The following ERI2 variants were observed in gnomAD, a reference collection of about 807,000 sequenced individuals.
The protein encoded by ERI2 is ERI1 exoribonuclease 2.
ERI2 carries 35 observed loss-of-function variants against 46.8 expected under a neutral mutation model. The ratio of observed to expected loss-of-function variants is 0.75; its 90% CI spans 0.57 to 0.99. ERI2 has a LOEUF of 0.99. Ranked by LOEUF, ERI2 falls within the 50% of genes least tolerant of loss-of-function variation. The pLI, the probability that ERI2 is intolerant of heterozygous loss-of-function variation, is 0.00. For missense variants in ERI2, 695 were observed against 796.2 expected, an observed-to-expected ratio of 0.87 and a Z score of 1.53; for synonymous variants, 224 against 271.0, an observed-to-expected ratio of 0.83 and a Z score of 1.70.
rs773678977 is a variant in ERI2 at position 20,790,660 on chromosome 16, G to GA, written c.815+189dup. 9 of 1,614,052 alleles carry GA rather than the reference G, an allele frequency of 5.6e-6. No individual in the cohort carries two copies. In the South Asian group the frequency reaches 8.8e-5, roughly 16 times the overall value. ...ATTGGCATTCAAGTTCTACCCAACC[G>GA]ACCATTTGGCCTTTTTACTCATTAC... On this transcript the variant is annotated intron_variant, in intron 9 of 10. Coordinates refer to the ERI2 transcript ENST00000300005. The surrounding 1 kb of genome is among the most constrained non-coding windows in gnomAD (Gnocchi z 4.0).
chr16:20,798,850 A>G lies in ERI2; in HGVS notation c.950T>C (p.Ile317Thr). ...QQDQLQVKNNIKASLHNVKSS... is the reference protein window; with the variant it reads ...QQDQLQVKNNTKASLHNVKSS... ...TTTGACATTGTGAAGACTTGCTTTT[A>G]TATTGTTTTTTACTTGTAATTGATC... Residue 317 changes from isoleucine (I) to threonine (T), a missense_variant, in exon 9 of 9, where the codon ATA (isoleucine) becomes ACA (threonine). Transcript: ENST00000357967. 1 of 1,550,954 alleles carries G rather than the reference A, an allele frequency of 6.4e-7. No individual in the cohort carries two copies. Among genetic ancestry groups the G allele is most frequent in the African/African-American group, 1.4e-5 (1 of 73,068 alleles).
At position 20,797,561 on chromosome 16, in the gene ERI2, A is replaced by G. The variant is rs1295551710; in HGVS notation, c.*163T>C. ...ATTGTTGCTTATTATATGTAATCTA[A>G]TAAATACTGTTTACAAAAGATTACA... On this transcript the variant is annotated 3_prime_UTR_variant, in exon 9 of 9. Coordinates refer to ENST00000357967, the MANE Select transcript of ERI2 (RefSeq NM_001142725.2). The G allele has an allele frequency of 7.9e-7, 1 of 1,272,850 alleles. No homozygotes were observed. The highest frequency in any genetic ancestry group is 9.9e-7 in the Non-Finnish European group (1 of 1,010,466). The allele number at this position is 1,272,850 out of a possible 1,614,324, so 78.8% of individuals were successfully genotyped here. A position where few individuals can be genotyped will look rare whatever the true frequency, so the allele number is the denominator to read the frequency against.
At chr16:20,785,230 A>T (rs2080446847) in intron 10 of ERI2, 1 of 1,350,214 alleles carries the variant, frequency 7.4e-7, no homozygotes, top group African/African-American at 1.5e-5. Flanking sequence ...GAAAATGTTT[A>T]AAAAAACAAT....
At chr16:20,803,044 T>G in intron 3 of ERI2, 121 bp from the exon 4 acceptor site, 2 of 1,049,800 alleles carry the variant, frequency 1.9e-6, no homozygotes, top group Non-Finnish European at 1.3e-6. Flanking sequence ...AAAAGCATAC[T>G]AAAATGACCA....
Position 20,797,156 on chromosome 16 carries a change from C to T in ERI2, c.*568G>A, listed in dbSNP as rs1220810103. 1 of 1,345,330 alleles carries T rather than the reference C, an allele frequency of 7.4e-7. No individual in the cohort carries two copies. Among genetic ancestry groups the T allele is most frequent in the East Asian group, 3.1e-5 (1 of 32,146 alleles). 83.3% of individuals were successfully genotyped at this position (1,345,330 alleles called of 1,614,324 possible). ...AAATAAAATATTTGGCAAATTCCTC[C>T]ACATTAGTGTCAATGTTCCTATCAT... On this transcript the variant is annotated 3_prime_UTR_variant, in exon 9 of 9. Coordinates refer to ENST00000357967, the MANE Select transcript of ERI2 (RefSeq NM_001142725.2).
chr16:20,797,998 C>T lies in ERI2; in HGVS notation c.1802G>A (p.Arg601Gln), dbSNP rs928738838. 28 of 1,551,900 alleles carry T rather than the reference C, an allele frequency of 1.8e-5. No individual in the cohort carries two copies. The highest frequency in any genetic ancestry group is 4.8e-5 in the South Asian group (4 of 84,060). The change falls in exon 9 of 9, where the codon CGG (arginine) becomes CAG (glutamine). Residue 601 changes from arginine (R) to glutamine (Q), a missense_variant. By Grantham distance (43) the Arg-to-Gln change is conservative (BLOSUM62 1). Coordinates refer to ENST00000357967, the MANE Select transcript of ERI2 (RefSeq NM_001142725.2). ...KMTPPLCKCG[R>Q]RSKRLVVSNN... Reference sequence around the variant, plus strand: ...AGAAACAACAAGTCTCTTAGATCTCCGACCACACTTGCATAATGGAGGTGT... The same window carrying T: ...AGAAACAACAAGTCTCTTAGATCTCTGACCACACTTGCATAATGGAGGTGT...
chr16:20,803,811 C>T lies in ERI2; in HGVS notation c.24-141G>A, dbSNP rs952594084. The T allele has an allele frequency of 1.4e-5, 14 of 975,634 alleles. No homozygotes were observed. The Admixed American group carries it at 2.2e-4, about 15-fold the overall frequency. 60.4% of individuals were successfully genotyped at this position (975,634 alleles called of 1,614,324 possible). A position where few individuals can be genotyped will look rare whatever the true frequency, so the allele number is the denominator to read the frequency against. Reference sequence around the variant, plus strand: ...GAAATCGAACTGGACTTTGGCTTTACCTGCACAGGCCTCGAAAGTACATAT... The same window carrying T: ...GAAATCGAACTGGACTTTGGCTTTATCTGCACAGGCCTCGAAAGTACATAT... On this transcript the variant is annotated intron_variant, in intron 1 of 8. Transcript: ENST00000357967.
At position 20,798,799 on chromosome 16, in the gene ERI2, T is replaced by C. The variant is rs1486196477; in HGVS notation, c.1001A>G (p.Lys334Arg). 1 of 1,551,600 alleles carries C rather than the reference T, an allele frequency of 6.4e-7. No homozygotes were observed. Among genetic ancestry groups the C allele is most frequent in the Non-Finnish European group, 8.7e-7 (1 of 1,146,904 alleles). The change falls in exon 9 of 9, where the codon AAG becomes AGG. Residue 334 changes from lysine (K) to arginine (R), a missense_variant. Coordinates refer to ENST00000357967, the MANE Select transcript of ERI2 (RefSeq NM_001142725.2). ...VKSSLPLFNT[K>R]SSTSVGQLQS... ...CAACTGCCCCACAGAAGTAGAGGAC[T>C]TAGTATTAAAAAGAGGTAAGGAACT...
At chr16:20,795,565 A>G (rs1356931493), downstream of ERI2, among the ~76,000 whole-genome samples, 1 of 152,252 alleles carries the variant, frequency 6.6e-6, no homozygotes, top group African/African-American at 2.4e-5. Flanking sequence ...CTTGAATTTA[A>G]TAAGATTTCA....
chr16:20,801,056 A>G, intron 5 of ERI2, 147 bp downstream of exon 5: 1 of 572,638 alleles, frequency 1.7e-6, no homozygotes, highest in East Asian at 3.2e-5. Flanking sequence ...TTTCTTGGCT[A>G]ACATCTGCTA....
At chr16:20,785,484 T>C (rs1233365057) in intron 10 of ERI2, among the ~76,000 whole-genome samples, 2 of 152,104 alleles carry the variant, frequency 1.3e-5, no homozygotes, top group Non-Finnish European at 2.9e-5. Flanking sequence ...AAGAGTTTGC[T>C]GGACAACTCC....
At chr16:20,783,187 A>G (rs761953378) in intron 10 of ERI2, 2 of 152,172 alleles carry the variant, frequency 1.3e-5, no homozygotes, top group African/African-American at 4.8e-5. Flanking sequence ...AGGAAATTCC[A>G]TGGAATTTAG....
chr16:20,800,648 A>G, intron 5 of ERI2: 1 of 316,506 alleles, frequency 3.2e-6, no homozygotes, highest in Non-Finnish European at 5.8e-6. Context: ...GAAGAGTAAC[A>G]TGTTAAATTA....
chr16:20,803,719 C>T, intron 1 of ERI2, 49 bp from the exon 2 acceptor site: 1 of 1,587,650 alleles, frequency 6.3e-7, no homozygotes. Flanking sequence ...CATTCACACT[C>T]CTGTTTGAGT....
In ERI2 at chr16:20,796,768, C is replaced by T. The variant is rs1280991771; in HGVS notation, c.*956G>A. 1.3e-6 allele frequency: 2 copies of T among 1,530,964 alleles called. No homozygotes were observed. Among genetic ancestry groups the T allele is most frequent in the African/African-American group, 1.4e-5 (1 of 71,128 alleles). 94.8% of individuals were successfully genotyped at this position (1,530,964 alleles called of 1,614,324 possible). On this transcript the variant is annotated 3_prime_UTR_variant, in exon 9 of 9. Transcript: ENST00000357967. Reference sequence around the variant, plus strand: ...CCCTATTTTGGCTGTTACCCAAAACCCATTCCAAAGACTATTCTAATTCTT... The same window carrying T: ...CCCTATTTTGGCTGTTACCCAAAACTCATTCCAAAGACTATTCTAATTCTT...
chr16:20,798,324 T>A lies in ERI2; in HGVS notation c.1476A>T (p.Pro492=). The A allele has an allele frequency of 6.4e-7, 1 of 1,551,582 alleles. No individual in the cohort carries two copies. Among genetic ancestry groups the A allele is most frequent in the Non-Finnish European group, 8.7e-7 (1 of 1,146,894 alleles). The change falls in exon 9 of 9, where the codon CCA becomes CCT. Residue 492 remains proline (P), a synonymous_variant. Transcript: ENST00000357967. ...TIYNVKEAKD[P]GSDISAFKLP... The stretch of plus-strand genomic sequence containing the variant: ...ACTTAAAGGCAGAAATATCTGAACC[T>A]GGATCTTTGGCTTCTTTTACATTAT...
chr16:20,787,200 A>G (rs2080493554), intron 10 of ERI2, among the ~76,000 whole-genome samples: 1 of 152,246 alleles, frequency 6.6e-6, no homozygotes, highest in South Asian at 2.1e-4. Flanking sequence ...ATAATAAGTC[A>G]TCATAAGTTG....
intron 1 of ERI2, chr16:20,806,197 G>C: frequency 7.2e-7 from 1 of 1,395,190 alleles, no homozygotes; most frequent in Non-Finnish European, 9.3e-7. Context: ...TCGGGCTCCT[G>C]TCACCCTCGG....
chr16:20,788,104 ATTTATTTT>A lies in ERI2; in HGVS notation c.894+1367_894+1374del, dbSNP rs1362715800. On this transcript the variant is annotated intron_variant, in intron 10 of 10. Coordinates refer to the ERI2 transcript ENST00000300005. ...CTCACATTCCTCTTTTTATTTATTT[ATTTATTTT>A]TTTATTTTTTCACATTCCTCTTTGA... 5.3e-5 allele frequency among the ~76,000 whole-genome samples: 8 copies of A among 152,200 alleles called. No individual in the cohort carries two copies. In the South Asian group the frequency reaches 1.0e-3, roughly 20 times the overall value.
Sources: gnomAD v4.1 joint callset for allele counts (sites outside exome capture counted in the v4.1 genomes callset) on GRCh38, gnomAD v4.1.1 for gene constraint, Gnocchi (gnomAD v3.1) non-coding constraint, MANE v1.5 for transcripts, NCBI Gene and HGNC (gene_info 2026-07-23, HGNC 2026-07-21) for gene names.